Variants in ISM1 observed in about 807,000 individuals in gnomAD.
ISM1 encodes isthmin 1, also known as isthmin-1.
In ISM1, 25 loss-of-function variants were observed where a neutral mutation model predicts 46.3. That is an observed-to-expected ratio of 0.54 (90% CI 0.39 to 0.75). The LOEUF is 0.75. ISM1 is among the 30% of genes least tolerant of loss of function. The probability of loss-of-function intolerance (pLI) is 0.00; values close to 1 mark genes in which losing one functional copy is unlikely to be tolerated. For synonymous variants in ISM1, 255 were observed against 256.7 expected, an observed-to-expected ratio of 0.99 and a Z score of 0.06; for missense variants, 536 against 625.4, an observed-to-expected ratio of 0.86 and a Z score of 1.52.
chr20:13,237,777 T>C (rs2039668949), intron 1 of ISM1: 1 of 152,242 alleles, frequency 6.6e-6, no homozygotes, highest in African/African-American at 2.4e-5. Context: ...TGGCTGATTT[T>C]CACTGGGAAA....
chr20:13,274,847 G>A (rs942442588), intron 2 of ISM1, among the ~76,000 whole-genome samples: 3 of 152,148 alleles, frequency 2.0e-5, no homozygotes, highest in Admixed American at 6.5e-5. Flanking sequence ...GTGAGGAGGG[G>A]AAGAAAATGC....
rs553726011 is a variant in ISM1 at position 13,251,357 on chromosome 20, G to T, written c.139-19147G>T. On this transcript the variant is annotated intron_variant, in intron 1 of 5. Transcript: ENST00000262487. ...GTTCTTAACCTTCAAACTGAACCAT[G>T]CTGTTTGTATTTTTCCAAGTGATGG... 1.3e-4 allele frequency among the ~76,000 whole-genome samples: 20 copies of T among 152,328 alleles called. No individual in the cohort carries two copies. In the East Asian group the frequency reaches 3.9e-3, roughly 29 times the overall value.
chr20:13,257,143 T>C (rs1422734096), intron 1 of ISM1, among the ~76,000 whole-genome samples: 1 of 152,222 alleles, frequency 6.6e-6, no homozygotes, highest in Non-Finnish European at 1.5e-5. Context: ...AAGCTCCTCT[T>C]TTTTCAAACA....
chr20:13,242,598 T>C (rs1442046010), intron 1 of ISM1, among the ~76,000 whole-genome samples: 2 of 152,202 alleles, frequency 1.3e-5, no homozygotes, highest in Admixed American at 6.5e-5. Flanking sequence ...GCCTGGTCTC[T>C]TGATGGCAGC....
chr20:13,239,143 G>C (rs1397505726), intron 1 of ISM1: 1 of 152,232 alleles, frequency 6.6e-6, no homozygotes, highest in Non-Finnish European at 1.5e-5. Flanking sequence ...CACAAAGAGA[G>C]TGAATCTAAA....
At chr20:13,281,102 TA>T (rs894455966) in intron 3 of ISM1, among the ~76,000 whole-genome samples, 2 of 152,310 alleles carry the variant, frequency 1.3e-5, no homozygotes, top group African/African-American at 4.8e-5. Context: ...AAGACAAAAA[TA>T]TTTTTTTGCC....
At chr20:13,236,995 A>G (rs892066009) in intron 1 of ISM1, among the ~76,000 whole-genome samples, 1 of 152,188 alleles carries the variant, frequency 6.6e-6, no homozygotes, top group Non-Finnish European at 1.5e-5. Context: ...TCTGGAGGAC[A>G]GTGGCCCTCT....
At chr20:13,233,529 A>G (rs1568663010) in intron 1 of ISM1, among the ~76,000 whole-genome samples, 1 of 147,488 alleles carries the variant, frequency 6.8e-6, no homozygotes, top group African/African-American at 2.5e-5. Context: ...AGGGAGCTAG[A>G]GGTTGCAATG....
downstream of ISM1, among the ~76,000 whole-genome samples, chr20:13,301,707 A>G (rs1156508508): frequency 6.6e-6 from 1 of 151,976 alleles, no homozygotes; most frequent in East Asian, 1.9e-4. Flanking sequence ...TTTTTTTTGC[A>G]AAGAGAATTG....
At chr20:13,292,066 CT>C (rs1246769721) in intron 4 of ISM1, among the ~76,000 whole-genome samples, 3 of 152,196 alleles carry the variant, frequency 2.0e-5, no homozygotes, top group African/African-American at 2.4e-5. Flanking sequence ...GTTTGTCACC[CT>C]GACACCATCC....
intron 1 of ISM1, among the ~76,000 whole-genome samples, chr20:13,241,780 G>T (rs1490180654): frequency 2.0e-5 from 3 of 152,118 alleles, no homozygotes; most frequent in Non-Finnish European, 2.9e-5. Context: ...TTGAGGACAT[G>T]AATCTAAAAT....
rs1190193160 is a variant in ISM1, at chr20:13,270,830, C to T, written c.378+87C>T. The T allele has an allele frequency of 2.0e-5, 26 of 1,290,006 alleles. No individual in the cohort carries two copies. In the Admixed American group the frequency reaches 5.1e-4, roughly 25 times the overall value. The allele number at this position is 1,290,006 out of a possible 1,614,324, so 79.9% of individuals were successfully genotyped here. On this transcript the variant is annotated intron_variant, in intron 2 of 5. Coordinates refer to ENST00000262487, the MANE Select transcript of ISM1 (RefSeq NM_080826.2). ...ATTCCAGTGGAAACTGCTGCCTTAC[C>T]TCACTTTTCTTCTTAACCCCTTAAT... is the stretch of plus-strand genomic sequence containing the variant.
At chr20:13,257,357 A>G (rs931350767) in intron 1 of ISM1, among the ~76,000 whole-genome samples, 32 of 152,142 alleles carry the variant, frequency 2.1e-4, no homozygotes, top group African/African-American at 7.0e-4. Flanking sequence ...TCTACTAAAA[A>G]TACAAAAAAA....
chr20:13,272,544 A>C (rs2040127756), intron 2 of ISM1, among the ~76,000 whole-genome samples: 1 of 152,178 alleles, frequency 6.6e-6, no homozygotes. Context: ...AGGTGGAAAG[A>C]AGTCGGACAG....
chr20:13,319,317 T>C, the ISM1 span, among the ~76,000 whole-genome samples: 80 of 152,254 alleles, frequency 5.3e-4, no homozygotes, highest in Middle Eastern at 3.4e-3. Context: ...TAGACACTTA[T>C]CTGGTCACAT....
At chr20:13,297,960 G>A (rs4814216) in intron 5 of ISM1, among the ~76,000 whole-genome samples, 96,069 of 151,976 alleles carry the variant, frequency 0.63, 31,383 homozygotes, top group African/African-American at 0.82. Context: ...AGACAGCGAT[G>A]GTTACATGCC....
At chr20:13,233,134 A>G (rs915840570) in intron 1 of ISM1, among the ~76,000 whole-genome samples, 1 of 152,062 alleles carries the variant, frequency 6.6e-6, no homozygotes, top group African/African-American at 2.4e-5. Context: ...CCTTGTCCCC[A>G]TGAGTGGAAA....
chr20:13,244,966 G>A (rs2039776563), intron 1 of ISM1, among the ~76,000 whole-genome samples: 1 of 152,190 alleles, frequency 6.6e-6, no homozygotes, highest in African/African-American at 2.4e-5. Context: ...GAAAGGAGTG[G>A]TGGAGAGGTT....
chr20:13,292,843 G>A lies in ISM1; in HGVS notation c.877+380G>A, dbSNP rs143817958. Among the ~76,000 whole-genome samples the A allele has an allele frequency of 4.3e-3, 648 of 152,240 alleles. 6 individuals carry two copies. Among genetic ancestry groups the A allele is most frequent in the African/African-American group, 0.014 (595 of 41,550 alleles). ...ATGGTGCCCTCAGTTCTCCAGCAGA[G>A]GGAGGGAGGGAAAGAGGAGATTTTC... On this transcript the variant is annotated intron_variant, in intron 5 of 5. Transcript: ENST00000262487.
Sources: gnomAD v4.1 joint callset for allele counts (sites outside exome capture counted in the v4.1 genomes callset) on GRCh38, gnomAD v4.1.1 for gene constraint, MANE v1.5 for transcripts, NCBI Gene and HGNC (gene_info 2026-07-23, HGNC 2026-07-21) for gene names.